Variants in OC90 observed in about 807,000 individuals in gnomAD.
The protein encoded by OC90 is otoconin-90.
A neutral mutation model predicts 47.3 loss-of-function variants in OC90; 46 were observed. The observed-to-expected ratio is 0.97, with a 90% confidence interval of 0.77 to 1.24. The LOEUF is 1.24. Ranked by LOEUF, OC90 falls within the 50% of genes most tolerant of loss-of-function variation. The pLI, the probability that OC90 is intolerant of heterozygous loss-of-function variation, is 0.00. For synonymous variants in OC90, 271 were observed against 219.5 expected (o/e 1.23, Z -2.07); for missense variants, 688 against 583.9 (o/e 1.18, Z -1.84).
intron 4 of OC90, among the ~76,000 whole-genome samples, chr8:132,042,315 C>T (rs527765958): frequency 5.3e-5 from 8 of 152,238 alleles, no homozygotes; most frequent in East Asian, 3.9e-4. Flanking sequence ...AGCTACCACA[C>T]GCATATTGGT....
At chr8:132,039,226 C>CGGCGA in intron 6 of OC90, 103 bp from the exon 7 acceptor site, 1 of 1,260,540 alleles carries the variant, frequency 7.9e-7, no homozygotes, top group Admixed American at 2.0e-5. Context: ...TGCCAAAAAT[C>CGGCGA]CCACTCCCCT....
intron 7 of OC90, 27 bp from the exon 8 acceptor site, chr8:132,038,858 T>C: frequency 6.2e-7 from 1 of 1,613,282 alleles, no homozygotes; most frequent in Non-Finnish European, 8.5e-7. Flanking sequence ...TTGGAAAGTC[T>C]GTTGAGAGCA....
At position 132,055,049 on chromosome 8, in the gene OC90, C is replaced by T; in HGVS notation, c.-23G>A. On this transcript the variant is annotated 5_prime_UTR_variant, in exon 2 of 14. Coordinates refer to ENST00000254627, the MANE Select transcript of OC90 (RefSeq NM_001080399.3). ...CATAGCAGGAGAACAAAGGATGGGG[C>T]TTAGGCAGCAACTGGAACGGACTCC... 1.3e-6 allele frequency: 2 copies of T among 1,549,056 alleles called. No homozygotes were observed. Among genetic ancestry groups the T allele is most frequent in the Non-Finnish European group, 1.7e-6 (2 of 1,144,962 alleles).
chr8:132,041,210 G>T, intron 5 of OC90, 54 bp from the exon 6 acceptor site: 1 of 1,079,992 alleles, frequency 9.3e-7, no homozygotes, highest in Non-Finnish European at 1.4e-6. Context: ...AGTGAGGGAG[G>T]GCAGGCAGCT....
chr8:132,042,423 G>A (rs894961195), intron 4 of OC90, among the ~76,000 whole-genome samples: 3 of 152,064 alleles, frequency 2.0e-5, no homozygotes, highest in Non-Finnish European at 4.4e-5. Flanking sequence ...ACACAGGCAG[G>A]TTTGTCACAT....
At chr8:132,052,509 A>C (rs72715320) in intron 2 of OC90, among the ~76,000 whole-genome samples, 34,375 of 152,096 alleles carry the variant, frequency 0.23, 4,175 homozygotes, top group South Asian at 0.29. Context: ...TTACCTATAG[A>C]TGTTAATAAG....
At position 132,033,118 on chromosome 8, in the gene OC90, G is replaced by A. The variant is rs781696751; in HGVS notation, c.780C>T (p.Thr260=). 8 of 1,608,442 alleles carry A rather than the reference G, an allele frequency of 5.0e-6. No individual in the cohort carries two copies. In the Admixed American group the frequency reaches 1.3e-4, roughly 27 times the overall value. ...GAGATTTAATGCCAGCAGGGACAAG[G>A]GTTACAATTTTAGCTGTAACCCTTG... is the stretch of plus-strand genomic sequence containing the variant. ...VATRVTAKIV[T]LVPAGIKSLG... is the part of the protein sequence containing the mutation. Residue 260 remains threonine (T), a synonymous_variant, in exon 11 of 14, where the codon ACC becomes ACT. Transcript: ENST00000254627.
At position 132,024,483 on chromosome 8, in the gene OC90, A is replaced by G. The variant is rs1822723807; in HGVS notation, c.1432T>C (p.Ter478GlnextTer7). Residue 478 changes from the stop codon to glutamine (Q), a stop_lost, in exon 14 of 14, where the codon TAG (stop) becomes CAG (glutamine). Transcript: ENST00000254627. ...PLGIGPLHGR[*>Q] is the part of the protein sequence containing the mutation. ...TGTTAGCCATTTTCTCTGGGCATCT[A>G]TCTTCCATGAAGAGGCCCGATCCCC... The G allele has an allele frequency of 1.1e-5, 17 of 1,537,258 alleles. 1 individual carries two copies. In the East Asian group the frequency reaches 3.9e-4, roughly 35 times the overall value.
chr8:132,029,021 C>T lies in OC90; in HGVS notation c.1138+52G>A, dbSNP rs140270507. 18 of 1,259,148 alleles carry T rather than the reference C, an allele frequency of 1.4e-5. No individual in the cohort carries two copies. The East Asian group carries it at 3.0e-4, about 21-fold the overall frequency. The allele number at this position is 1,259,148 out of a possible 1,614,324, so 78.0% of individuals were successfully genotyped here. On this transcript the variant is annotated intron_variant, in intron 13 of 13. Coordinates refer to ENST00000254627, the MANE Select transcript of OC90 (RefSeq NM_001080399.3). Reference sequence around the variant, plus strand: ...CATCCACAAGTCTGAGCTACAGTCACGATGCTGACCTCAATGAAATAATAA... The same window carrying T: ...CATCCACAAGTCTGAGCTACAGTCATGATGCTGACCTCAATGAAATAATAA...
chr8:132,030,322 A>G (rs774249051), intron 12 of OC90, among the ~76,000 whole-genome samples: 1 of 152,224 alleles, frequency 6.6e-6, no homozygotes, highest in Non-Finnish European at 1.5e-5. Flanking sequence ...TATCAGTTTG[A>G]CTAACTTTTC....
intron 11 of OC90, 104 bp downstream of exon 11, chr8:132,032,935 C>A: frequency 1.6e-6 from 2 of 1,284,564 alleles, no homozygotes; most frequent in East Asian, 2.5e-5. Flanking sequence ...TCTCATCACA[C>A]CCCCATGAGA....
At chr8:132,028,575 G>A (rs771963242) in intron 13 of OC90, among the ~76,000 whole-genome samples, 340 of 15,986 alleles carry the variant, frequency 0.021, 2 homozygotes, top group African/African-American at 0.059. Flanking sequence ...AGGAAGGAAG[G>A]AAGGAAGGAA....
chr8:132,050,685 A>G (rs1823200366), intron 2 of OC90, among the ~76,000 whole-genome samples: 1 of 152,144 alleles, frequency 6.6e-6, no homozygotes, highest in Non-Finnish European at 1.5e-5. Context: ...GCTTCCAAAC[A>G]CAAAATGACT....
intron 3 of OC90, among the ~76,000 whole-genome samples, chr8:132,044,910 G>A (rs1050714254): frequency 1.3e-5 from 2 of 152,138 alleles, no homozygotes; most frequent in East Asian, 1.9e-4. Flanking sequence ...CTTCTAAGCC[G>A]GGGCTGGTCA....
chr8:132,030,194 CTA>C (rs1417237504), intron 12 of OC90, among the ~76,000 whole-genome samples: 1 of 152,094 alleles, frequency 6.6e-6, no homozygotes, highest in African/African-American at 2.4e-5. Context: ...TACTTAAAAT[CTA>C]AAGTCAGTGA....
chr8:132,024,616 G>A lies in OC90; in HGVS notation c.1299C>T (p.Pro433=), dbSNP rs376573604. 1.1e-4 allele frequency: 173 copies of A among 1,613,466 alleles called. No individual in the cohort carries two copies. Among genetic ancestry groups the A allele is most frequent in the South Asian group, 3.6e-4 (33 of 90,986 alleles). ...AGCTGGAGCCCAGGGTGGGGGCTGCGGGCACAGGGTGCAGGCTGTCTTCAC... is the reference window on the plus strand; with the variant it reads ...AGCTGGAGCCCAGGGTGGGGGCTGCAGGCACAGGGTGCAGGCTGTCTTCAC... The part of the protein sequence containing the change: ...AACEDSLHPV[P]AAPTLGSSSE... Residue 433 remains proline, a synonymous_variant, in exon 14 of 14, where the codon CCC becomes CCT. Transcript: ENST00000254627.
chr8:132,028,798 GGAAAGAAAGAAA>G (rs1157353026), intron 13 of OC90, among the ~76,000 whole-genome samples: 2,069 of 34,346 alleles, frequency 0.06, 77 homozygotes, highest in African/African-American at 0.18. Context: ...GAAAGAAGAA[GGAAAGAAAGAAA>G]GAAAGAAAGA....
intron 13 of OC90, 122 bp from the exon 14 acceptor site, chr8:132,024,898 T>G: frequency 2.7e-6 from 2 of 739,032 alleles, no homozygotes; most frequent in Non-Finnish European, 4.3e-6. Context: ...ACCTTCAGGG[T>G]ATCCACCTTA....
At chr8:132,049,887 G>A (rs755820586) in intron 2 of OC90, 60 of 507,572 alleles carry the variant, frequency 1.2e-4, no homozygotes, top group Admixed American at 5.6e-4. Flanking sequence ...CTGCTAAGAC[G>A]TGTGCCAATT....
Sources: allele counts gnomAD v4.1 joint callset (sites outside exome capture counted in the v4.1 genomes callset), GRCh38; gene constraint gnomAD v4.1.1; transcripts MANE v1.5; gene names NCBI Gene and HGNC (gene_info 2026-07-23, HGNC 2026-07-21).